NOC2L: variants seen among roughly 807,000 people sequenced by gnomAD.
NOC2L encodes NOC2 like nucleolar associated transcriptional repressor, also known as nucleolar complex protein 2 homolog.
NOC2L carries 101 observed loss-of-function variants against 94.2 expected under a neutral mutation model. That is an observed-to-expected ratio of 1.07 (90% confidence interval 0.91 to 1.26). NOC2L has a LOEUF of 1.26. NOC2L is among the 50% of genes most tolerant of loss of function. The pLI is 0.00. For synonymous variants in NOC2L, 531 were observed against 413.4 expected (o/e 1.28, Z -3.45); for missense variants, 1,076 against 980.1 (o/e 1.10, Z -1.31).
chr1:945,450 T>C (rs1642078011), intron 17 of NOC2L, 68 bp downstream of exon 17: 4 of 1,580,054 alleles, frequency 2.5e-6, no homozygotes, highest in Non-Finnish European at 3.5e-6. Context: ...GTGGCCCTCG[T>C]GGCTCTGGGA....
In NOC2L at chr1:959,219, T is replaced by C. The variant is rs768867769; in HGVS notation, c.22A>G (p.Lys8Glu). ...GCCCTCGGACCCGCGGCTTACCTCT[T>C]GCGGCTCCCCGCAGCTGCCATGACA... Reference protein sequence around the residue: MAAAGSRKRRLAELTVDE... With the variant: MAAAGSRERRLAELTVDE... The change falls in exon 1 of 19, where the codon AAG becomes GAG. Residue 8 changes from lysine to glutamate, a missense_variant. Transcript: ENST00000327044. 1.2e-6 allele frequency: 2 copies of C among 1,608,524 alleles called. No homozygotes were observed. Among genetic ancestry groups the C allele is most frequent in the Non-Finnish European group, 1.7e-6 (2 of 1,178,286 alleles).
intron 17 of NOC2L, 33 bp from the exon 18 acceptor site, chr1:945,179 C>T (rs1449836046): frequency 1.3e-6 from 2 of 1,562,546 alleles, no homozygotes. Flanking sequence ...CATATGACTC[C>T]CACCCACAGG....
At position 944,769 on chromosome 1, in the gene NOC2L, G is replaced by A; in HGVS notation, c.2175C>T (p.Ala725=). The A allele has an allele frequency of 5.0e-6, 8 of 1,598,640 alleles. No individual in the cohort carries two copies. Among genetic ancestry groups the A allele is most frequent in the South Asian group, 1.1e-5 (1 of 90,764 alleles). The part of the protein sequence containing the change: ...DGDPDAEAGL[A]PGELQQLAQG... ...GGGCCAGCTGCTGCAGCTCCCCAGGGGCCAGCCCCGCCTCTGCGTCTGGGT... is the reference window on the plus strand; with the variant it reads ...GGGCCAGCTGCTGCAGCTCCCCAGGAGCCAGCCCCGCCTCTGCGTCTGGGT... Residue 725 remains alanine (A), a synonymous_variant, in exon 19 of 19, where the codon GCC becomes GCT. Coordinates refer to ENST00000327044, the MANE Select transcript of NOC2L (RefSeq NM_015658.4).
chr1:945,433 G>A, intron 17 of NOC2L, 85 bp downstream of exon 17: 3 of 1,499,606 alleles, frequency 2.0e-6, no homozygotes, highest in South Asian at 1.2e-5. Context: ...CTGCAGGATG[G>A]GTACAGGTGG....
At chr1:946,992 G>A (rs568273090) in intron 14 of NOC2L, 19 of 174,382 alleles carry the variant, frequency 1.1e-4, no homozygotes, top group Non-Finnish European at 1.8e-4. Flanking sequence ...AGGAGATGGA[G>A]ATTGCAGTGA....
chr1:944,929 G>GCA (rs1464927600), intron 18 of NOC2L, 128 bp downstream of exon 18: 29 of 1,478,456 alleles, frequency 2.0e-5, no homozygotes, highest in Non-Finnish European at 2.5e-5. Flanking sequence ...AGAGAACAGA[G>GCA]CATTTGGCCT....
chr1:953,467 G>C (rs921492887), intron 8 of NOC2L, among the ~76,000 whole-genome samples, 179 bp from the exon 9 acceptor site: 1 of 152,252 alleles, frequency 6.6e-6, no homozygotes, highest in Non-Finnish European at 1.5e-5. Context: ...CAGGTGTGTT[G>C]CTCCTTGTGA....
chr1:957,721 A>C (rs1480296302), intron 2 of NOC2L: 1 of 169,804 alleles, frequency 5.9e-6, no homozygotes. Context: ...CACATAGTTC[A>C]ATTCTCAGTT....
Position 944,235 on chromosome 1 carries a change from T to A in NOC2L, c.*459A>T. Reference sequence around the variant, plus strand: ...AATGGCCCTGCCTCCCACCGCTTTATTTCTTTCGGTTTCGGATGCAAAACA... The same window carrying A: ...AATGGCCCTGCCTCCCACCGCTTTAATTCTTTCGGTTTCGGATGCAAAACA... On this transcript the variant is annotated 3_prime_UTR_variant, in exon 19 of 19. Transcript: ENST00000327044. 1 of 1,458,424 alleles carries A rather than the reference T, an allele frequency of 6.9e-7. No individual in the cohort carries two copies. Among genetic ancestry groups the A allele is most frequent in the Non-Finnish European group, 9.0e-7 (1 of 1,106,616 alleles). The allele number at this position is 1,458,424 out of a possible 1,614,324, so 90.3% of individuals were successfully genotyped here. A position where few individuals can be genotyped will look rare whatever the true frequency, so the allele number is the denominator to read the frequency against.
chr1:951,221 C>T lies in NOC2L; in HGVS notation c.1349G>A (p.Arg450His), dbSNP rs956890867. 2.5e-6 allele frequency: 4 copies of T among 1,588,292 alleles called. No individual in the cohort carries two copies. Among genetic ancestry groups the T allele is most frequent in the Non-Finnish European group, 3.4e-6 (4 of 1,167,524 alleles). The stretch of plus-strand genomic sequence containing the variant: ...GCAGTGCATTCGCAGCGGGTAGAAG[C>T]GGGCAGTGGGGATGAGCCTGGGGGT... ...IGCIKLIPTA[R>H]FYPLRMHCIR... Residue 450 changes from arginine to histidine, a missense_variant, in exon 12 of 19, where the codon CGC becomes CAC. Around this residue, in one of 3 missense-constraint regions of NOC2L, gnomAD observed 615 missense variants for 577.4 expected, o/e 1.07. Coordinates refer to ENST00000327044, the MANE Select transcript of NOC2L (RefSeq NM_015658.4).
chr1:944,719 T>C lies in NOC2L; in HGVS notation c.2225A>G (p.Asp742Gly). The part of the protein sequence containing the change: ...LAQGPEDELE[D>G]LQLSEDD ...TCAGTCGTCCTCTGAGAGCTGCAGA[T>C]CCTCCAGCTCGTCCTCCGGCCCCTG... Residue 742 changes from aspartate to glycine, a missense_variant, in exon 19 of 19, where the codon GAT becomes GGT. Asp to Gly is a moderately conservative substitution (Grantham distance 94, BLOSUM62 -1). This residue lies in a region of NOC2L where 615 missense variants were observed against 577.4 expected (regional missense o/e 1.07). Transcript: ENST00000327044. 1 of 1,598,890 alleles carries C rather than the reference T, an allele frequency of 6.3e-7. No individual in the cohort carries two copies. The highest frequency in any genetic ancestry group is 2.2e-5 in the East Asian group (1 of 44,784).
intron 12 of NOC2L, among the ~76,000 whole-genome samples, chr1:950,568 T>TACACACGCACAGATGC (rs1327913520): frequency 3.2e-4 from 48 of 151,870 alleles, no homozygotes; most frequent in African/African-American, 1.2e-3. Flanking sequence ...CACACAGGTG[T>TACACACGCACAGATGC]ACACACGCAC....
chr1:956,268 A>C lies in NOC2L; in HGVS notation c.487-53T>G, dbSNP rs1642399364. ...CAGGGGAGCTGAGACTGCACTTGGCAGAGTGGAAACGGCAGCCCCAGAGAA... is the reference window on the plus strand; with the variant it reads ...CAGGGGAGCTGAGACTGCACTTGGCCGAGTGGAAACGGCAGCCCCAGAGAA... On this transcript the variant is annotated intron_variant, in intron 4 of 18. Coordinates refer to ENST00000327044, the MANE Select transcript of NOC2L (RefSeq NM_015658.4). The C allele has an allele frequency of 2.5e-6, 4 of 1,602,350 alleles. No individual in the cohort carries two copies. In the Admixed American group the frequency reaches 6.7e-5, roughly 27 times the overall value.
In NOC2L at chr1:956,234, CA is replaced by C. The variant is rs760366063; in HGVS notation, c.487-20del. On this transcript the variant is annotated intron_variant, in intron 4 of 18. Coordinates refer to ENST00000327044, the MANE Select transcript of NOC2L (RefSeq NM_015658.4). ...GGCGTTGCTGAAGGAGCAAGAGTAC[CA>C]GGGGCGTCAGGGGAGCTGAGACTGC... 4 of 1,610,698 alleles carry C rather than the reference CA, an allele frequency of 2.5e-6. No homozygotes were observed. Among genetic ancestry groups the C allele is most frequent in the Middle Eastern group, 1.6e-4 (1 of 6,080 alleles).
chr1:944,874 T>G, intron 18 of NOC2L, 74 bp from the exon 19 acceptor site: 2 of 1,299,804 alleles, frequency 1.5e-6, no homozygotes, highest in African/African-American at 1.5e-5. Context: ...TACTCATCAC[T>G]AATTAATCAC....
chr1:959,082 C>G lies in NOC2L; in HGVS notation c.27-1G>C, dbSNP rs758997781. On this transcript the variant is annotated splice_acceptor_variant, in intron 1 of 18. Transcript: ENST00000327044. LOFTEE classifies it high-confidence loss of function. ...GTCCACCGTCAGCTCCGCCAGGCGC[C>G]TGCGGGTCACGCAGGAGTCACAGCT... 1 of 1,609,028 alleles carries G rather than the reference C, an allele frequency of 6.2e-7. No homozygotes were observed. Among genetic ancestry groups the G allele is most frequent in the African/African-American group, 1.3e-5 (1 of 74,980 alleles).
At chr1:956,266 G>A (rs749725253) in intron 4 of NOC2L, 51 bp from the exon 5 acceptor site, 1 of 1,602,980 alleles carries the variant, frequency 6.2e-7, no homozygotes, top group African/African-American at 1.3e-5. Context: ...ACTGCACTTG[G>A]CAGAGTGGAA....
At chr1:944,849 G>T in intron 18 of NOC2L, 49 bp from the exon 19 acceptor site, 1 of 1,388,762 alleles carries the variant, frequency 7.2e-7, no homozygotes, top group Non-Finnish European at 9.9e-7. Flanking sequence ...TCAGGAAGAA[G>T]CCAGCCTTAG....
intron 8 of NOC2L, 126 bp from the exon 9 acceptor site, chr1:953,414 G>C (rs1642310854): frequency 1.6e-6 from 1 of 643,300 alleles, no homozygotes; most frequent in Middle Eastern, 2.5e-4. Flanking sequence ...AAGCACCTCG[G>C]GGGAGCCGTG....
Sources: gnomAD v4.1 joint callset for allele counts (sites outside exome capture counted in the v4.1 genomes callset) on GRCh38, gnomAD v4.1.1 for gene constraint, gnomAD v4.1.1 regional missense constraint, MANE v1.5 for transcripts, NCBI Gene and HGNC (gene_info 2026-07-23, HGNC 2026-07-21) for gene names.